The following GBF1 variants were observed in gnomAD, a reference collection of about 807,000 sequenced individuals.
GBF1 encodes the protein Golgi-specific brefeldin A-resistance guanine nucleotide exchange factor 1.
GBF1 carries 114 observed loss-of-function variants against 210.5 expected under a neutral mutation model. The observed-to-expected ratio is 0.54, with a 90% CI of 0.47 to 0.63. The LOEUF (loss-of-function observed/expected upper bound fraction) is 0.63. GBF1 is among the 30% of genes least tolerant of loss of function. The pLI, the probability that GBF1 is intolerant of heterozygous loss-of-function variation, is 0.00. For missense variants in GBF1, 1,851 were observed against 2,357.7 expected (o/e 0.79, Z 4.45); for synonymous variants, 850 against 889.2 (o/e 0.96, Z 0.78).
chr10:102,364,425 C>A (rs1263997439), intron 17 of GBF1, among the ~76,000 whole-genome samples: 7 of 149,102 alleles, frequency 4.7e-5, no homozygotes, highest in Admixed American at 4.7e-4. Context: ...GGGGTTTCAC[C>A]GTGTTAGCCA....
chr10:102,362,602 A>T lies in GBF1; in HGVS notation c.1814A>T (p.Glu605Val), dbSNP rs1434217403. The T allele has an allele frequency of 6.2e-7, 1 of 1,614,172 alleles. No homozygotes were observed. Among genetic ancestry groups the T allele is most frequent in the East Asian group, 2.2e-5 (1 of 44,890 alleles). The change falls in exon 15 of 40, where the codon GAG (glutamate) becomes GTG (valine). Residue 605 changes from glutamate to valine, a missense_variant. Physicochemically the swap from Glu to Val is moderately radical, Grantham distance 121. Coordinates refer to ENST00000369983, the MANE Select transcript of GBF1 (RefSeq NM_001377137.1). ...GTCCTCAACAGCCTCACCCAGCAAGAGAAGAAGGAGACAGCCAGACCAAGC... is the reference window on the plus strand; with the variant it reads ...GTCCTCAACAGCCTCACCCAGCAAGTGAAGAAGGAGACAGCCAGACCAAGC... ...AKVLNSLTQQ[E>V]KKETARPSCE...
intron 8 of GBF1, 92 bp from the exon 9 acceptor site, chr10:102,357,947 T>C: frequency 1.2e-6 from 1 of 866,570 alleles, no homozygotes; most frequent in African/African-American, 1.7e-5. Context: ...TATAGCTTGT[T>C]TTCTAGAGAT....
At chr10:102,329,371 A>G (rs1246429173) in intron 3 of GBF1, among the ~76,000 whole-genome samples, 3 of 152,224 alleles carry the variant, frequency 2.0e-5, no homozygotes, top group African/African-American at 7.2e-5. Context: ...TGGCAGTACT[A>G]CAAGCAATAA....
Position 102,305,175 on chromosome 10 carries a change from TTGTGTGTGTGTGTGTGTG to T in GBF1, c.164-38848_164-38831del, listed in dbSNP as rs60026956. Among the ~76,000 whole-genome samples the T allele has an allele frequency of 1.6e-3, 226 of 139,742 alleles. 2 individuals carry two copies. The highest frequency in any genetic ancestry group is 7.4e-3 in the Middle Eastern group (2 of 272). 91.7% of individuals were successfully genotyped at this position (139,742 alleles called of 152,430 possible). ...GAACCTTCTGAAATTATATGCAGAT[TTGTGTGTGTGTGTGTGTG>T]TGTGTGTGTGTGTGTGTGTGTGTGT... On this transcript the variant is annotated intron_variant, in intron 3 of 39. Coordinates refer to ENST00000369983, the MANE Select transcript of GBF1 (RefSeq NM_001377137.1).
chr10:102,378,107 A>G (rs904306666), intron 33 of GBF1, among the ~76,000 whole-genome samples: 3 of 151,626 alleles, frequency 2.0e-5, no homozygotes, highest in Admixed American at 6.6e-5. Flanking sequence ...AGTCCCAGCT[A>G]CTCGGGAGGC....
At chr10:102,374,503 T>G (rs2060385041) in intron 29 of GBF1, among the ~76,000 whole-genome samples, 1 of 151,968 alleles carries the variant, frequency 6.6e-6, no homozygotes, top group Non-Finnish European at 1.5e-5. Context: ...GAGGATCACT[T>G]GCGCCCAGGA....
At chr10:102,325,745 G>A (rs930267927) in intron 3 of GBF1, among the ~76,000 whole-genome samples, 4 of 151,476 alleles carry the variant, frequency 2.6e-5, no homozygotes, top group African/African-American at 9.7e-5. Flanking sequence ...CGCCTCCTGA[G>A]TTCAAGCGAT....
In GBF1 at chr10:102,368,311, G is replaced by A. The variant is rs377146963; in HGVS notation, c.2736G>A (p.Glu912=). 119 of 1,613,880 alleles carry A rather than the reference G, an allele frequency of 7.4e-5. No homozygotes were observed. The highest frequency in any genetic ancestry group is 9.2e-5 in the Non-Finnish European group (109 of 1,179,850). ...TGCTTCATCGAGGTGCCACCCCTGA[G>A]GGCATATTCCTGCGTGTGCCTACTG... The part of the protein sequence containing the change: ...NVLLHRGATP[E]GIFLRVPTAS... Residue 912 remains glutamate (E), a synonymous_variant, in exon 22 of 40, where the codon GAG becomes GAA. Transcript: ENST00000369983.
At chr10:102,322,802 T>A (rs1433245010) in intron 3 of GBF1, among the ~76,000 whole-genome samples, 2 of 151,388 alleles carry the variant, frequency 1.3e-5, no homozygotes, top group Non-Finnish European at 2.9e-5. Context: ...GCTTCATTTT[T>A]AATAAGAGCC....
rs138841850 is a variant in GBF1 at position 102,360,929 on chromosome 10, T to C, written c.1393-93T>C. On this transcript the variant is annotated intron_variant, in intron 12 of 39. Transcript: ENST00000369983. ...GGCAGAGGTTGCAGTGAGCTGAGAT[T>C]GCGCCACTGCACTCCAGCGTGGGCA... 3.7e-3 allele frequency: 2,639 copies of C among 711,430 alleles called. 44 individuals carry two copies. In the African/African-American group the frequency reaches 0.043, roughly 11 times the overall value. The allele number at this position is 711,430 out of a possible 1,614,324, so 44.1% of individuals were successfully genotyped here.
chr10:102,344,439 G>A (rs1008284980), intron 4 of GBF1, among the ~76,000 whole-genome samples: 2 of 152,020 alleles, frequency 1.3e-5, no homozygotes, highest in Non-Finnish European at 2.9e-5. Flanking sequence ...TAAGGGTATG[G>A]TACCTTACTC....
rs1565154827 is a variant in GBF1, at chr10:102,358,620, C to T, written c.902C>T (p.Thr301Ile). The change falls in exon 10 of 40, where the codon ACT becomes ATT. Residue 301 changes from threonine (T) to isoleucine (I), a missense_variant. By Grantham distance (89) the Thr-to-Ile change is moderately conservative. This residue lies in a region of GBF1 where 804 missense variants were observed against 958.6 expected (regional missense o/e 0.84). Coordinates refer to ENST00000369983, the MANE Select transcript of GBF1 (RefSeq NM_001377137.1). ...GGCCTGGAATTCTCCTCCCAAACCA[C>T]TTCCAAGGAAGACCTTACTGATCTA... The part of the protein sequence containing the change: ...DSGLEFSSQT[T>I]SKEDLTDLEQ... The T allele has an allele frequency of 6.2e-7, 1 of 1,613,774 alleles. No homozygotes were observed. The highest frequency in any genetic ancestry group is 8.5e-7 in the Non-Finnish European group (1 of 1,179,630).
At chr10:102,262,307 C>T (rs2134057300) in intron 3 of GBF1, among the ~76,000 whole-genome samples, 1 of 152,050 alleles carries the variant, frequency 6.6e-6, no homozygotes, top group South Asian at 2.1e-4. Flanking sequence ...CCGACTGGTA[C>T]TTGAGTGCTT....
intron 3 of GBF1, among the ~76,000 whole-genome samples, chr10:102,295,261 C>CT (rs2133741777): frequency 6.6e-6 from 1 of 152,322 alleles, no homozygotes; most frequent in South Asian, 2.1e-4. Flanking sequence ...TGGCAGATAA[C>CT]TTAAATGAAA....
intron 3 of GBF1, among the ~76,000 whole-genome samples, chr10:102,284,674 C>T (rs1027654171): frequency 6.6e-6 from 1 of 152,090 alleles, no homozygotes; most frequent in African/African-American, 2.4e-5. Flanking sequence ...CGTTGATGGA[C>T]ATTTGGACCA....
At chr10:102,237,745 T>G in the GBF1 span, among the ~76,000 whole-genome samples, 1 of 152,120 alleles carries the variant, frequency 6.6e-6, no homozygotes, top group African/African-American at 2.4e-5. Context: ...AGTCATGGAT[T>G]ATAAAATATT....
intron 1 of GBF1, among the ~76,000 whole-genome samples, chr10:102,257,061 G>A (rs1421493864): frequency 2.0e-5 from 3 of 152,114 alleles, no homozygotes; most frequent in Admixed American, 6.6e-5. Context: ...AAGACAAAAC[G>A]ATTACAGATA....
At chr10:102,267,356 T>C (rs925030423) in intron 3 of GBF1, among the ~76,000 whole-genome samples, 7 of 152,074 alleles carry the variant, frequency 4.6e-5, no homozygotes, top group Admixed American at 4.6e-4. Flanking sequence ...AATACAAAAA[T>C]TAGCCAGGTG....
chr10:102,287,068 G>A (rs185275081), intron 3 of GBF1, among the ~76,000 whole-genome samples: 38 of 152,190 alleles, frequency 2.5e-4, no homozygotes, highest in African/African-American at 8.9e-4. Flanking sequence ...GGCATATTTA[G>A]CTTTTAATGG....
Sources: gnomAD v4.1 joint callset for allele counts (sites outside exome capture counted in the v4.1 genomes callset) on GRCh38, gnomAD v4.1.1 for gene constraint, gnomAD v4.1.1 regional missense constraint, MANE v1.5 for transcripts, NCBI Gene and HGNC (gene_info 2026-07-23, HGNC 2026-07-21) for gene names.